MYO3A: variants seen among roughly 807,000 people sequenced by gnomAD.
MYO3A encodes the protein myosin IIIA, also known as myosin-IIIa.
MYO3A carries 180 observed loss-of-function variants against 192.7 expected under a neutral mutation model. That is an observed-to-expected ratio of 0.93 (90% CI 0.83 to 1.06). The LOEUF (loss-of-function observed/expected upper bound fraction) is 1.06. MYO3A is among the 50% of genes least tolerant of loss of function. The pLI, the probability that MYO3A is intolerant of heterozygous loss-of-function variation, is 0.00. For missense variants in MYO3A, 1,896 were observed against 1,905.0 expected (o/e 1.00, Z 0.09); for synonymous variants, 628 against 645.3 (o/e 0.97, Z 0.41).
chr10:26,097,892 G>A (rs1034996737), intron 17 of MYO3A, among the ~76,000 whole-genome samples: 5 of 152,126 alleles, frequency 3.3e-5, no homozygotes, highest in African/African-American at 9.7e-5. Context: ...AAACATATGT[G>A]TGCATGTGCA....
intron 4 of MYO3A, among the ~76,000 whole-genome samples, chr10:25,957,356 G>C (rs1837619002): frequency 1.3e-5 from 2 of 152,160 alleles, no homozygotes; most frequent in South Asian, 4.1e-4. Flanking sequence ...TGTAAGATGT[G>C]ACTTGCTCCC....
At chr10:26,023,889 G>A (rs1377867754) in intron 8 of MYO3A, 133 bp from the exon 9 acceptor site, 3 of 813,112 alleles carry the variant, frequency 3.7e-6, no homozygotes, top group Non-Finnish European at 6.4e-6. Context: ...TATCTGTCTT[G>A]GAATTGGGAA....
chr10:25,937,778 G>T (rs969823942), intron 2 of MYO3A, among the ~76,000 whole-genome samples: 5 of 152,158 alleles, frequency 3.3e-5, no homozygotes, highest in African/African-American at 1.2e-4. Context: ...AGTAGATTTT[G>T]TATTTCCTCT....
intron 20 of MYO3A, among the ~76,000 whole-genome samples, chr10:26,136,070 C>T (rs1005424001): frequency 1.3e-5 from 2 of 152,006 alleles, no homozygotes; most frequent in Admixed American, 6.6e-5. Flanking sequence ...AGGCACTCCT[C>T]GAACATTTCT....
chr10:25,952,173 G>A lies in MYO3A; in HGVS notation c.63G>A (p.Trp21Ter). The A allele has an allele frequency of 6.2e-7, 1 of 1,612,188 alleles. No individual in the cohort carries two copies. The highest frequency in any genetic ancestry group is 8.5e-7 in the Non-Finnish European group (1 of 1,178,762). The change falls in exon 3 of 35, where the codon TGG becomes TGA. Residue 21 changes from tryptophan to a stop codon, truncating the protein, a stop_gained. Transcript: ENST00000642920. LOFTEE classifies it high-confidence loss of function. ...ACTTTCCTGATCCTTCTGATACATG[G>A]GAAATCACTGAGACAATTGGCAAAG... Reference protein sequence around the residue: ...FDNFPDPSDTWEITETIGKGT... With the variant: ...FDNFPDPSDT
intron 4 of MYO3A, among the ~76,000 whole-genome samples, chr10:25,964,487 C>T (rs548991427): frequency 1.1e-4 from 17 of 152,206 alleles, no homozygotes; most frequent in Middle Eastern, 3.4e-3. Flanking sequence ...AAAAACTCAC[C>T]TTAGCTTAGC....
chr10:25,961,649 CTAAGGAAAGCAAGAAGTTGGCAAACTG>C (rs1025153313), intron 4 of MYO3A, among the ~76,000 whole-genome samples: 3 of 151,772 alleles, frequency 2.0e-5, no homozygotes, highest in Non-Finnish European at 4.4e-5. Context: ...AAAAAAAAGG[CTAAGGAAAGCAAGAAGTTGGCAAACTG>C]TATATAAGAT....
intron 4 of MYO3A, among the ~76,000 whole-genome samples, chr10:25,983,223 G>T (rs1311375185): frequency 6.6e-6 from 1 of 151,326 alleles, no homozygotes; most frequent in East Asian, 1.9e-4. Context: ...TGAAAACAAG[G>T]CTTTTTAATT....
At chr10:26,210,024 G>A (rs1201266699) in intron 34 of MYO3A, among the ~76,000 whole-genome samples, 1 of 150,436 alleles carries the variant, frequency 6.6e-6, no homozygotes, top group Non-Finnish European at 1.5e-5. Flanking sequence ...GATCAGTTGA[G>A]CTTTGGAGGT....
At chr10:25,939,513 T>A (rs1316718553) in intron 2 of MYO3A, among the ~76,000 whole-genome samples, 2 of 152,062 alleles carry the variant, frequency 1.3e-5, no homozygotes, top group Non-Finnish European at 2.9e-5. Flanking sequence ...TTTTCATTAT[T>A]ATTCAGTTCT....
intron 19 of MYO3A, among the ~76,000 whole-genome samples, chr10:26,127,052 C>T (rs1839259513): frequency 2.6e-5 from 4 of 152,138 alleles, no homozygotes; most frequent in Admixed American, 2.6e-4. Flanking sequence ...TCTTTCCCTC[C>T]TCAACTGTTA....
At chr10:26,092,563 T>C (rs1321588719) in intron 15 of MYO3A, among the ~76,000 whole-genome samples, 2 of 152,216 alleles carry the variant, frequency 1.3e-5, no homozygotes, top group Non-Finnish European at 2.9e-5. Context: ...AGTTAAGCTA[T>C]ACCCTTGTGA....
intron 4 of MYO3A, among the ~76,000 whole-genome samples, chr10:25,996,080 G>A (rs1415549057): frequency 6.6e-6 from 1 of 152,228 alleles, no homozygotes; most frequent in Non-Finnish European, 1.5e-5. Context: ...CCTTTTGTTT[G>A]GCTATGCCCT....
At chr10:26,030,230 A>G (rs1016682037) in intron 10 of MYO3A, among the ~76,000 whole-genome samples, 1 of 152,062 alleles carries the variant, frequency 6.6e-6, no homozygotes, top group Non-Finnish European at 1.5e-5. Flanking sequence ...GAATCAGCCT[A>G]TAGTTTCTGC....
At chr10:26,151,544 T>G (rs548644836) in intron 23 of MYO3A, among the ~76,000 whole-genome samples, 1 of 152,302 alleles carries the variant, frequency 6.6e-6, no homozygotes, top group East Asian at 1.9e-4. Context: ...AATTTCAACT[T>G]ATTGTTTTTC....
chr10:26,205,330 G>A (rs986110632), intron 34 of MYO3A, among the ~76,000 whole-genome samples: 2 of 152,066 alleles, frequency 1.3e-5, no homozygotes, highest in African/African-American at 4.8e-5. Flanking sequence ...TAGTCACCAT[G>A]TTGTACAATA....
At chr10:26,052,721 G>A (rs1170311980) in intron 10 of MYO3A, among the ~76,000 whole-genome samples, 1 of 152,160 alleles carries the variant, frequency 6.6e-6, no homozygotes, top group Non-Finnish European at 1.5e-5. Flanking sequence ...GATACAGCTT[G>A]ATATTTACAA....
rs556068962 is a variant in MYO3A, at chr10:26,061,031, C to T, written c.954-5944C>T. ...GCAAGCTCCGCCTCCTGGGTTCATG[C>T]CATTCTCCTGCCTCAGCCTCCTGAG... On this transcript the variant is annotated intron_variant, in intron 10 of 34. Transcript: ENST00000642920. 7.2e-5 allele frequency among the ~76,000 whole-genome samples: 11 copies of T among 152,164 alleles called. No individual in the cohort carries two copies. The South Asian group carries it at 1.7e-3, about 23-fold the overall frequency.
intron 21 of MYO3A, 27 bp from the exon 22 acceptor site, chr10:26,145,419 A>G (rs771609052): frequency 1.4e-6 from 2 of 1,437,662 alleles, no homozygotes; most frequent in African/African-American, 2.8e-5. Context: ...TACATGCTTG[A>G]TATTTGAGTT....
Sources: gnomAD v4.1 joint callset for allele counts (sites outside exome capture counted in the v4.1 genomes callset) on GRCh38, gnomAD v4.1.1 for gene constraint, MANE v1.5 for transcripts, NCBI Gene and HGNC (gene_info 2026-07-23, HGNC 2026-07-21) for gene names.